SELENOI: variants seen among roughly 807,000 people sequenced by gnomAD.
SELENOI encodes the protein selenoprotein I.
A neutral mutation model predicts 50.7 loss-of-function variants in SELENOI; 24 were observed. That is an observed-to-expected ratio of 0.47 (90% CI 0.34 to 0.67). The LOEUF (loss-of-function observed/expected upper bound fraction) is 0.67. Ranked by LOEUF, SELENOI falls within the 30% of genes least tolerant of loss-of-function variation. The probability of loss-of-function intolerance (pLI) is 0.01; values close to 1 mark genes in which losing one functional copy is unlikely to be tolerated. For missense variants in SELENOI, 352 were observed against 461.4 expected, an observed-to-expected ratio of 0.76 and a Z score of 2.17; for synonymous variants, 155 against 170.2, an observed-to-expected ratio of 0.91 and a Z score of 0.70.
At chr2:26,351,635 A>G (rs903057637) in intron 1 of SELENOI, among the ~76,000 whole-genome samples, 2 of 152,128 alleles carry the variant, frequency 1.3e-5, no homozygotes, top group African/African-American at 4.8e-5. Flanking sequence ...CTTTAGACAT[A>G]ATGGTGGAGT....
intron 3 of SELENOI, among the ~76,000 whole-genome samples, 173 bp from the exon 4 acceptor site, chr2:26,366,973 T>G (rs891404600): frequency 7.2e-5 from 11 of 152,230 alleles, no homozygotes; most frequent in African/African-American, 2.4e-4. Flanking sequence ...GATGTTGCTT[T>G]TTTGGTTTTA....
In SELENOI at chr2:26,392,930, C is replaced by T. The variant is rs1225627068; in HGVS notation, c.*3827C>T. 1 of 152,154 alleles carries T rather than the reference C, an allele frequency of 6.6e-6. No individual in the cohort carries two copies. Among genetic ancestry groups the T allele is most frequent in the East Asian group, 1.9e-4 (1 of 5,196 alleles). The allele number at this position is 152,154 out of a possible 1,614,324, so 9.4% of individuals were successfully genotyped here. A position where few individuals can be genotyped will look rare whatever the true frequency, so the allele number is the denominator to read the frequency against. ...GTTAGCTGCCAGCATTAGAACCTTC[C>T]AGGAAGAATTTTAACTAGTATGCTA... On this transcript the variant is annotated 3_prime_UTR_variant, in exon 10 of 10. Coordinates refer to ENST00000260585, the MANE Select transcript of SELENOI (RefSeq NM_033505.4).
intron 3 of SELENOI, among the ~76,000 whole-genome samples, chr2:26,366,867 C>T (rs899856636): frequency 6.6e-6 from 1 of 151,988 alleles, no homozygotes; most frequent in Non-Finnish European, 1.5e-5. Context: ...TCATTGTAGG[C>T]GCATGAAAAT....
At chr2:26,382,748 T>C (rs1308576479) in intron 6 of SELENOI, among the ~76,000 whole-genome samples, 2 of 151,712 alleles carry the variant, frequency 1.3e-5, no homozygotes, top group Non-Finnish European at 2.9e-5. Context: ...TCTCAGCTGC[T>C]CAGAAGCCTG....
intron 1 of SELENOI, among the ~76,000 whole-genome samples, chr2:26,351,369 G>C (rs975862823): frequency 6.6e-6 from 1 of 152,128 alleles, no homozygotes; most frequent in Non-Finnish European, 1.5e-5. Flanking sequence ...GTTCACCCTT[G>C]TGATTGCATT....
intron 1 of SELENOI, among the ~76,000 whole-genome samples, chr2:26,348,518 CAATT>C: frequency 6.6e-6 from 1 of 152,308 alleles, no homozygotes; most frequent in Non-Finnish European, 1.5e-5. Flanking sequence ...AACTATAAGA[CAATT>C]GATTTTTGGT....
At chr2:26,356,956 C>A (rs1457691947) in intron 1 of SELENOI, among the ~76,000 whole-genome samples, 2 of 151,424 alleles carry the variant, frequency 1.3e-5, no homozygotes, top group African/African-American at 4.8e-5. Flanking sequence ...ATCCCTACCT[C>A]CACACACACA....
chr2:26,364,889 G>C lies in SELENOI; in HGVS notation c.184G>C (p.Val62Leu). ...LITFSGFLLV[V>L]FNFLLMAYFD... ...AACTTTTTCTGGCTTTCTGCTGGTC[G>C]TATTCAATTTTCTGCTAATGGCATA... The change falls in exon 3 of 10, where the codon GTA becomes CTA. Residue 62 changes from valine to leucine, a missense_variant. Transcript: ENST00000260585. The C allele has an allele frequency of 6.2e-7, 1 of 1,609,980 alleles. No homozygotes were observed. Among genetic ancestry groups the C allele is most frequent in the Non-Finnish European group, 8.5e-7 (1 of 1,178,098 alleles).
intron 1 of SELENOI, among the ~76,000 whole-genome samples, chr2:26,357,516 T>C (rs1010098169): frequency 3.3e-5 from 5 of 152,142 alleles, no homozygotes; most frequent in Non-Finnish European, 7.3e-5. Context: ...GCTAGAAGTG[T>C]AGAAAAACAA....
rs1405342816 is a variant in SELENOI, at chr2:26,383,327, G to A, written c.711G>A (p.Met237Ile). The part of the protein sequence containing the change: ...IGCALCVTLP[M>I]SLLNFFRSYK... ...GTGCATTATGTGTGACTCTTCCAAT[G>A]AGTTTATTAAACTTTTTCAGGTAAG... The change falls in exon 7 of 10, where the codon ATG becomes ATA. Residue 237 changes from methionine (M) to isoleucine (I), a missense_variant. Coordinates refer to ENST00000260585, the MANE Select transcript of SELENOI (RefSeq NM_033505.4). 6.5e-7 allele frequency: 1 copy of A among 1,540,334 alleles called. No individual in the cohort carries two copies. The highest frequency in any genetic ancestry group is 2.3e-5 in the East Asian group (1 of 42,566).
chr2:26,364,289 C>A lies in SELENOI; in HGVS notation c.58-13C>A. On this transcript the variant is annotated splice_polypyrimidine_tract_variant and intron_variant, in intron 1 of 9. Coordinates refer to ENST00000260585, the MANE Select transcript of SELENOI (RefSeq NM_033505.4). The stretch of plus-strand genomic sequence containing the variant: ...AGGATTTACTCTGAATATTTTCTTT[C>A]ATTTCTTAACAGTACAGTGCTGTGG... 2 of 1,530,950 alleles carry A rather than the reference C, an allele frequency of 1.3e-6. No individual in the cohort carries two copies. Among genetic ancestry groups the A allele is most frequent in the Non-Finnish European group, 1.8e-6 (2 of 1,128,008 alleles). The allele number at this position is 1,530,950 out of a possible 1,614,324, so 94.8% of individuals were successfully genotyped here. A position where few individuals can be genotyped will look rare whatever the true frequency, so the allele number is the denominator to read the frequency against.
At chr2:26,354,023 G>A (rs779632755) in intron 1 of SELENOI, among the ~76,000 whole-genome samples, 40 of 152,208 alleles carry the variant, frequency 2.6e-4, no homozygotes, top group South Asian at 4.1e-4. Flanking sequence ...TGACCAGGCC[G>A]AGCCTTGGGA....
chr2:26,374,006 C>T (rs1023638279), intron 5 of SELENOI, among the ~76,000 whole-genome samples: 1 of 152,108 alleles, frequency 6.6e-6, no homozygotes, highest in Non-Finnish European at 1.5e-5. Context: ...CCTGCCTTGG[C>T]TTCCCGAAGT....
chr2:26,358,018 G>T (rs1207092332), intron 1 of SELENOI, among the ~76,000 whole-genome samples: 1 of 152,170 alleles, frequency 6.6e-6, no homozygotes, highest in Non-Finnish European at 1.5e-5. Flanking sequence ...CTGTCGCCAA[G>T]TAAGACATGC....
In SELENOI at chr2:26,393,796, T is replaced by G. The variant is rs894485925; in HGVS notation, c.*4693T>G. 1 of 152,208 alleles carries G rather than the reference T, an allele frequency of 6.6e-6. No homozygotes were observed. The highest frequency in any genetic ancestry group is 2.4e-5 in the African/African-American group (1 of 41,464). The allele number at this position is 152,208 out of a possible 1,614,324, so 9.4% of individuals were successfully genotyped here. On this transcript the variant is annotated 3_prime_UTR_variant, in exon 10 of 10. Coordinates refer to ENST00000260585, the MANE Select transcript of SELENOI (RefSeq NM_033505.4). ...GCAGACTGCTCTTCAGCAGCACATA[T>G]ACTGCAACTGAAGTTAGAGACAGTA...
intron 9 of SELENOI, 149 bp from the exon 10 acceptor site, chr2:26,388,856 A>T: frequency 1.6e-6 from 1 of 641,910 alleles, no homozygotes; most frequent in Non-Finnish European, 2.7e-6. Flanking sequence ...CTAGTTCTAT[A>T]GCTATCCTAA....
At chr2:26,356,159 G>A (rs76315750) in intron 1 of SELENOI, among the ~76,000 whole-genome samples, 1,825 of 152,182 alleles carry the variant, frequency 0.012, 40 homozygotes, top group African/African-American at 0.041. Flanking sequence ...TAAGTTTAGC[G>A]ATGTTTTGTT....
At chr2:26,381,970 G>C (rs1468452879) in intron 6 of SELENOI, among the ~76,000 whole-genome samples, 1 of 152,172 alleles carries the variant, frequency 6.6e-6, no homozygotes, top group Admixed American at 6.5e-5. Context: ...GCATGACAAT[G>C]GAACATCCAA....
chr2:26,370,711 C>T (rs1381867280), intron 4 of SELENOI, among the ~76,000 whole-genome samples: 7 of 142,728 alleles, frequency 4.9e-5, no homozygotes, highest in Admixed American at 1.4e-4. Context: ...CCCCTCACCT[C>T]CCGGACGGGG....
Sources: gnomAD v4.1 joint callset for allele counts (sites outside exome capture counted in the v4.1 genomes callset) on GRCh38, gnomAD v4.1.1 for gene constraint, MANE v1.5 for transcripts, NCBI Gene and HGNC (gene_info 2026-07-23, HGNC 2026-07-21) for gene names.